The following HTT variants were observed in gnomAD, a reference collection of about 807,000 sequenced individuals.
The protein encoded by HTT is huntington disease protein.
HTT carries 104 observed loss-of-function variants against 362.3 expected under a neutral mutation model. That is an observed-to-expected ratio of 0.29 (90% CI 0.24 to 0.34). HTT has a LOEUF of 0.34. Ranked by LOEUF, HTT falls within the 10% of genes least tolerant of loss-of-function variation. HTT has a pLI of 1.00. For missense variants in HTT, 3,301 were observed against 3,928.6 expected, an observed-to-expected ratio of 0.84 and a Z score of 4.27; for synonymous variants, 1,577 against 1,548.7, an observed-to-expected ratio of 1.02 and a Z score of -0.43.
intron 1 of HTT, among the ~76,000 whole-genome samples, chr4:3,084,796 G>A (rs1258118741): frequency 1.3e-5 from 2 of 151,720 alleles, no homozygotes; most frequent in African/African-American, 4.8e-5. Context: ...GGCAGATCAC[G>A]AGGTCAGGAG....
Position 3,228,284 on chromosome 4 carries a change from G to A in HTT, c.7849-331G>A, listed in dbSNP as rs1172405042. On this transcript the variant is annotated intron_variant, in intron 57 of 66. Transcript: ENST00000355072. This position sits in a 1 kb window ranked among gnomAD's most constrained non-coding sequence, Gnocchi z 4.3. Reference sequence around the variant, plus strand: ...AAAAGGAATCTCACGTATTGGTTCCGTGTTTTGGGGACTCCATTCAGATGT... The same window carrying A: ...AAAAGGAATCTCACGTATTGGTTCCATGTTTTGGGGACTCCATTCAGATGT... 2.0e-5 allele frequency among the ~76,000 whole-genome samples: 3 copies of A among 152,210 alleles called. No individual in the cohort carries two copies. Among genetic ancestry groups the A allele is most frequent in the Non-Finnish European group, 2.9e-5 (2 of 68,028 alleles).
chr4:3,170,366 TG>T (rs761917865), intron 29 of HTT, among the ~76,000 whole-genome samples: 37 of 152,206 alleles, frequency 2.4e-4, no homozygotes, highest in Admixed American at 1.5e-3. Context: ...AAGACCATCC[TG>T]AGTACTCTAC....
intron 29 of HTT, among the ~76,000 whole-genome samples, chr4:3,167,841 A>G (rs1258193959): frequency 6.6e-6 from 1 of 152,228 alleles, no homozygotes; most frequent in Non-Finnish European, 1.5e-5. Context: ...TAACTGGATA[A>G]TTAAGCATCT....
At chr4:3,235,160 T>G in intron 61 of HTT, 124 bp from the exon 62 acceptor site, 2 of 690,818 alleles carry the variant, frequency 2.9e-6, no homozygotes, top group Non-Finnish European at 5.1e-6. Context: ...CCACTCAGGG[T>G]AGGCGCTCCC....
intron 41 of HTT, 71 bp downstream of exon 41, chr4:3,200,010 G>A (rs1228779727): frequency 7.7e-7 from 1 of 1,300,402 alleles, no homozygotes; most frequent in Non-Finnish European, 1.1e-6. Context: ...AGTAACCTGA[G>A]CTTTGGCCAC....
At chr4:3,160,149 C>G in intron 28 of HTT, 133 bp from the exon 29 acceptor site, 1 of 611,802 alleles carries the variant, frequency 1.6e-6, no homozygotes, top group Non-Finnish European at 3.0e-6. Context: ...CGCAGACACA[C>G]CCTGCAAGGT....
intron 19 of HTT, among the ~76,000 whole-genome samples, chr4:3,135,283 C>T (rs1293970023): frequency 6.6e-6 from 1 of 150,550 alleles, no homozygotes; most frequent in Non-Finnish European, 1.5e-5. Context: ...AGATTGTGGC[C>T]ATTGCACTTC....
intron 16 of HTT, 66 bp downstream of exon 16, chr4:3,131,841 T>C: frequency 4.7e-6 from 7 of 1,492,782 alleles, no homozygotes; most frequent in Non-Finnish European, 6.4e-6. Flanking sequence ...ATTTCAGTAT[T>C]GACTATTTTA....
At chr4:3,170,312 A>C (rs968431340) in intron 29 of HTT, among the ~76,000 whole-genome samples, 1 of 151,926 alleles carries the variant, frequency 6.6e-6, no homozygotes, top group African/African-American at 2.4e-5. Flanking sequence ...TTTTTGGACT[A>C]ATTATTCCTC....
chr4:3,229,762 C>G (rs1456890356), intron 59 of HTT, 125 bp from the exon 60 acceptor site: 2 of 1,034,302 alleles, frequency 1.9e-6, no homozygotes, highest in African/African-American at 1.6e-5. Context: ...CGCACACATG[C>G]GTCCCGCACA....
chr4:3,171,356 A>AC (rs1368906687), intron 29 of HTT, among the ~76,000 whole-genome samples: 1 of 151,996 alleles, frequency 6.6e-6, no homozygotes, highest in Non-Finnish European at 1.5e-5. Flanking sequence ...GCTGATGGAA[A>AC]CCAGTTCGTG....
chr4:3,091,067 G>A (rs576756877), intron 2 of HTT, among the ~76,000 whole-genome samples: 33 of 152,276 alleles, frequency 2.2e-4, no homozygotes, highest in African/African-American at 7.7e-4. Flanking sequence ...AGCCTAGATC[G>A]CACCACTGCA....
chr4:3,148,007 A>G lies in HTT; in HGVS notation c.3298A>G (p.Ser1100Gly), dbSNP rs1424817990. ...LILAGNLLAA[S>G]APKSLRSSWA... The stretch of plus-strand genomic sequence containing the variant: ...TAATGTCTGTGCCCATATCACAGCC[A>G]GTGCTCCCAAATCTCTGAGAAGTTC... Residue 1100 changes from serine (S) to glycine (G), a missense_variant and splice_region_variant, in exon 26 of 67, where the codon AGT becomes GGT. Coordinates refer to ENST00000355072, the MANE Select transcript of HTT (RefSeq NM_001388492.1). The G allele has an allele frequency of 6.2e-7, 1 of 1,611,306 alleles. No individual in the cohort carries two copies. The highest frequency in any genetic ancestry group is 1.3e-5 in the African/African-American group (1 of 74,786).
chr4:3,241,172 G>A lies in HTT; in HGVS notation c.*1113G>A, dbSNP rs1721784992. 6.6e-6 allele frequency: 1 copy of A among 152,330 alleles called. No individual in the cohort carries two copies. Among genetic ancestry groups the A allele is most frequent in the Non-Finnish European group, 1.5e-5 (1 of 68,112 alleles). 9.4% of individuals were successfully genotyped at this position (152,330 alleles called of 1,614,324 possible). The stretch of plus-strand genomic sequence containing the variant: ...CATGCCCTAAGAGTGTCACTGAGCT[G>A]TGTTTTGTCTGAGCCTCTCTCGGTC... On this transcript the variant is annotated 3_prime_UTR_variant, in exon 67 of 67. Transcript: ENST00000355072.
chr4:3,167,284 G>C (rs1026625963), intron 29 of HTT, among the ~76,000 whole-genome samples: 2 of 152,008 alleles, frequency 1.3e-5, no homozygotes, highest in African/African-American at 4.8e-5. Context: ...CATTGGCCAG[G>C]CTAGTCTCGA....
At chr4:3,237,294 G>A (rs1031444995) in intron 64 of HTT, among the ~76,000 whole-genome samples, 7 of 152,210 alleles carry the variant, frequency 4.6e-5, no homozygotes, top group South Asian at 4.2e-4. Flanking sequence ...GGCTGGTCTC[G>A]AACTCCTGAA....
chr4:3,169,948 G>A (rs1314313491), intron 29 of HTT, among the ~76,000 whole-genome samples: 1 of 152,172 alleles, frequency 6.6e-6, no homozygotes, highest in Admixed American at 6.5e-5. Context: ...ATGTCTCCCT[G>A]TGTTTCTGTT....
At chr4:3,125,684 C>A in intron 11 of HTT, 55 bp downstream of exon 11, 1 of 1,257,312 alleles carries the variant, frequency 8.0e-7, no homozygotes, top group Non-Finnish European at 1.2e-6. Context: ...CCTTCCACCC[C>A]TTGCCCTTCC....
At chr4:3,205,823 C>T (rs943790973) in intron 42 of HTT, among the ~76,000 whole-genome samples, 11 of 152,272 alleles carry the variant, frequency 7.2e-5, no homozygotes, top group East Asian at 1.9e-4. Flanking sequence ...AAATATTAAT[C>T]GTTAACCAAA....
Sources: gnomAD v4.1 joint callset for allele counts (sites outside exome capture counted in the v4.1 genomes callset) on GRCh38, gnomAD v4.1.1 for gene constraint, Gnocchi (gnomAD v3.1) non-coding constraint, MANE v1.5 for transcripts, NCBI Gene and HGNC (gene_info 2026-07-23, HGNC 2026-07-21) for gene names.